The following PFKM variants were observed in gnomAD, a reference collection of about 807,000 sequenced individuals.
The protein encoded by PFKM is ATP-dependent 6-phosphofructokinase, muscle type.
PFKM carries 58 observed loss-of-function variants against 95.5 expected under a neutral mutation model. That is an observed-to-expected ratio of 0.61 (90% CI 0.49 to 0.76). The LOEUF (loss-of-function observed/expected upper bound fraction) is 0.76, where lower values mean the gene tolerates loss of function less well. Among genes scored for constraint, PFKM ranks in the 30% least tolerant of loss-of-function variants. The probability of loss-of-function intolerance (pLI) is 0.00; values close to 1 mark genes in which losing one functional copy is unlikely to be tolerated. For synonymous variants in PFKM, 336 were observed against 357.2 expected (o/e 0.94, Z 0.67); for missense variants, 678 against 1,005.4 (o/e 0.67, Z 4.40).
intron 10 of PFKM, among the ~76,000 whole-genome samples, chr12:48,135,911 C>T (rs1370693534): frequency 6.6e-6 from 1 of 151,430 alleles, no homozygotes; most frequent in Non-Finnish European, 1.5e-5. Context: ...TTTTTTGAGA[C>T]GCACCATTGC....
Position 48,145,299 on chromosome 12 carries a change from G to T in PFKM, c.2182G>T (p.Asp728Tyr). 1 of 1,613,734 alleles carries T rather than the reference G, an allele frequency of 6.2e-7. No individual in the cohort carries two copies. The highest frequency in any genetic ancestry group is 1.1e-5 in the South Asian group (1 of 91,068). ...LVFQPVAELK[D>Y]QTDFEHRIPK... ...CTTCCAACCAGTGGCTGAGCTGAAGGACCAGACAGATTTTGAGTGAGTACA... is the reference window on the plus strand; with the variant it reads ...CTTCCAACCAGTGGCTGAGCTGAAGTACCAGACAGATTTTGAGTGAGTACA... The change falls in exon 22 of 23, where the codon GAC (aspartate) becomes TAC (tyrosine). Residue 728 changes from aspartate (D) to tyrosine (Y), a missense_variant. Coordinates refer to ENST00000359794, the MANE Select transcript of PFKM (RefSeq NM_000289.6). The surrounding 1 kb of genome is among the most constrained non-coding windows in gnomAD (Gnocchi z 4.3).
chr12:48,128,259 G>GTCTCTCTCTC (rs112898503), intron 2 of PFKM, among the ~76,000 whole-genome samples: 3 of 149,884 alleles, frequency 2.0e-5, no homozygotes, highest in African/African-American at 7.4e-5. Flanking sequence ...ACTGTACTTT[G>GTCTCTCTCTC]TCTCTCTCTC....
At chr12:48,105,416 C>A, upstream of PFKM, 1 of 518,994 alleles carries the variant, frequency 1.9e-6, no homozygotes, top group South Asian at 1.4e-5. Flanking sequence ...AGGCGATGAG[C>A]CAGGTAAGCA....
At chr12:48,106,655 C>T (rs1946649778) in intron 1 of PFKM, 1 of 163,362 alleles carries the variant, frequency 6.1e-6, no homozygotes, top group South Asian at 1.4e-4. Flanking sequence ...AGTTTCTTAA[C>T]TTGCAATCCT....
chr12:48,128,554 T>C (rs1432755672), intron 2 of PFKM, among the ~76,000 whole-genome samples: 1 of 152,176 alleles, frequency 6.6e-6, no homozygotes, highest in Non-Finnish European at 1.5e-5. Context: ...ACATGATAGG[T>C]GTTCAGTTAG....
Position 48,144,129 on chromosome 12 carries a change from G to A in PFKM, c.1964G>A (p.Arg655Lys). The A allele has an allele frequency of 6.2e-7, 1 of 1,612,714 alleles. No individual in the cohort carries two copies. The highest frequency in any genetic ancestry group is 8.5e-7 in the Non-Finnish European group (1 of 1,178,758). Residue 655 changes from arginine (R) to lysine (K), a missense_variant, in exon 20 of 23, where the codon AGG becomes AAG. Transcript: ENST00000359794. ...GAGGGGAAGGGCATCTTCGACAGCA[G>A]GAAGAATGTGCTTGGTCACATGCAG... ...SEEGKGIFDS[R>K]KNVLGHMQQG... is the part of the protein sequence containing the mutation.
chr12:48,143,809 G>A lies in PFKM; in HGVS notation c.1875G>A (p.Val625=), dbSNP rs1321101853. 1 of 1,610,064 alleles carries A rather than the reference G, an allele frequency of 6.2e-7. No individual in the cohort carries two copies. Among genetic ancestry groups the A allele is most frequent in the South Asian group, 1.1e-5 (1 of 90,996 alleles). The stretch of plus-strand genomic sequence containing the variant: ...AAACAACTGTGAAAAGGGGCTTGGT[G>A]TTAAGGTACCTCATCCATGGTTTGT... The part of the protein sequence containing the change: ...KMKTTVKRGL[V]LRNEKCNENY... Residue 625 remains valine (V), a synonymous_variant, in exon 19 of 23, where the codon GTG becomes GTA. Coordinates refer to ENST00000359794, the MANE Select transcript of PFKM (RefSeq NM_000289.6).
rs754310566 is a variant in PFKM, at chr12:48,140,792, C to G, written c.1262C>G (p.Ser421Cys). The G allele has an allele frequency of 2.5e-6, 4 of 1,614,204 alleles. No homozygotes were observed. In the East Asian group the frequency reaches 8.9e-5, roughly 36 times the overall value. ...PAAGMNAAVRSTVRIGLIQGN... is the reference protein window; with the variant it reads ...PAAGMNAAVRCTVRIGLIQGN... ...GCAGGCATGAATGCTGCTGTTCGCT[C>G]CACTGTGAGGATTGGCCTTATCCAG... Residue 421 changes from serine (S) to cysteine (C), a missense_variant, in exon 14 of 23, where the codon TCC becomes TGC. Coordinates refer to ENST00000359794, the MANE Select transcript of PFKM (RefSeq NM_000289.6).
intron 4 of PFKM, 36 bp from the exon 5 acceptor site, chr12:48,132,832 C>A: frequency 1.9e-6 from 3 of 1,563,566 alleles, no homozygotes; most frequent in East Asian, 2.3e-5. Context: ...ATGTTGAGCC[C>A]TGTCTCTGGG....
chr12:48,134,640 G>A (rs1949891795), intron 7 of PFKM, 81 bp from the exon 8 acceptor site: 1 of 1,021,844 alleles, frequency 9.8e-7, no homozygotes, highest in South Asian at 1.3e-5. Context: ...CAACTATGAG[G>A]ACTAGGAGAA....
chr12:48,106,210 TG>T, intron 1 of PFKM: 2 of 671,062 alleles, frequency 3.0e-6, no homozygotes, highest in South Asian at 3.1e-5. Context: ...GCCTGCGCGG[TG>T]TGGCGAGGCC....
In PFKM at chr12:48,146,119, G is replaced by A. The variant is rs79507126; in HGVS notation, c.*411G>A. ...TGGTCACTGTGCTTTTGCTTCTCCTGTTATCATCTTCCTAAGTGGAATGTA... is the reference window on the plus strand; with the variant it reads ...TGGTCACTGTGCTTTTGCTTCTCCTATTATCATCTTCCTAAGTGGAATGTA... On this transcript the variant is annotated 3_prime_UTR_variant, in exon 23 of 23. Coordinates refer to ENST00000359794, the MANE Select transcript of PFKM (RefSeq NM_000289.6). 794 of 247,890 alleles carry A rather than the reference G, an allele frequency of 3.2e-3. 3 individuals carry two copies. The highest frequency in any genetic ancestry group is 4.3e-3 in the Non-Finnish European group (542 of 124,778). The allele number at this position is 247,890 out of a possible 1,614,324, so 15.4% of individuals were successfully genotyped here.
upstream of PFKM, among the ~76,000 whole-genome samples, chr12:48,116,301 C>T (rs1490594436): frequency 6.7e-6 from 1 of 149,850 alleles, no homozygotes; most frequent in African/African-American, 2.5e-5. Context: ...TCCTTCCTTT[C>T]TTTTTTTCTT....
At chr12:48,122,675 G>A in intron 1 of PFKM, 92 bp from the exon 2 acceptor site, 1 of 1,587,430 alleles carries the variant, frequency 6.3e-7, no homozygotes, top group Non-Finnish European at 8.6e-7. Flanking sequence ...GAGCCTGACT[G>A]AGGTGGCTCT....
At chr12:48,122,985 G>GTGAGGCC (rs769392751) in intron 2 of PFKM, 126 bp downstream of exon 2, 9 of 843,688 alleles carry the variant, frequency 1.1e-5, no homozygotes, top group Non-Finnish European at 1.8e-5. Context: ...AAAAATTTCT[G>GTGAGGCC]TGAGGCCTAA....
intron 3 of PFKM, among the ~76,000 whole-genome samples, chr12:48,114,285 G>T (rs184676766): frequency 6.6e-6 from 1 of 152,318 alleles, no homozygotes; most frequent in Admixed American, 6.5e-5. Flanking sequence ...TATATATTTA[G>T]TGGGGTCTGA....
intron 2 of PFKM, among the ~76,000 whole-genome samples, chr12:48,123,679 C>T (rs1948531239): frequency 6.6e-6 from 1 of 152,168 alleles, no homozygotes; most frequent in South Asian, 2.1e-4. Context: ...TCCTCTGCAC[C>T]ACTGTTCCTA....
At chr12:48,128,845 C>G (rs928713115) in intron 2 of PFKM, among the ~76,000 whole-genome samples, 1 of 152,124 alleles carries the variant, frequency 6.6e-6, no homozygotes, top group African/African-American at 2.4e-5. Context: ...ACTAGAATGT[C>G]TAAGAGAGAC....
At position 48,106,301 on chromosome 12, in the gene PFKM, C is replaced by T. The variant is rs192246141; in HGVS notation, c.-10+164C>T. 6.0e-4 allele frequency: 354 copies of T among 592,746 alleles called. 1 individual carries two copies. Among genetic ancestry groups the T allele is most frequent in the African/African-American group, 4.4e-3 (236 of 53,330 alleles). The allele number at this position is 592,746 out of a possible 1,614,324, so 36.7% of individuals were successfully genotyped here. The stretch of plus-strand genomic sequence containing the variant: ...GTCTGGGCTTTTTCGCTTTCTCGTA[C>T]TCGGAATACTGTTAGTGAGCCCTTC... On this transcript the variant is annotated intron_variant, in intron 1 of 24. Transcript: ENST00000340802.
Sources: gnomAD v4.1 joint callset for allele counts (sites outside exome capture counted in the v4.1 genomes callset) on GRCh38, gnomAD v4.1.1 for gene constraint, Gnocchi (gnomAD v3.1) non-coding constraint, MANE v1.5 for transcripts, NCBI Gene and HGNC (gene_info 2026-07-23, HGNC 2026-07-21) for gene names.